The following EPB41L4B variants were observed in gnomAD, a reference collection of about 807,000 sequenced individuals.
The protein encoded by EPB41L4B is band 4.1-like protein 4B.
In EPB41L4B, 30 loss-of-function variants were observed where a neutral mutation model predicts 112.5. The observed-to-expected ratio is 0.27, with a 90% CI of 0.20 to 0.36. EPB41L4B has a LOEUF of 0.36. Ranked by LOEUF, EPB41L4B falls within the 10% of genes least tolerant of loss-of-function variation. The pLI is 1.00. For synonymous variants in EPB41L4B, 408 were observed against 439.7 expected (o/e 0.93, Z 0.90); for missense variants, 1,024 against 1,133.3 (o/e 0.90, Z 1.38).
chr9:109,316,042 C>A (rs922377863), intron 1 of EPB41L4B, among the ~76,000 whole-genome samples: 1 of 152,298 alleles, frequency 6.6e-6, no homozygotes. Flanking sequence ...TTTCAGCACT[C>A]TGTTGCACCA....
At chr9:109,226,258 G>A (rs936321878) in intron 15 of EPB41L4B, among the ~76,000 whole-genome samples, 1 of 152,146 alleles carries the variant, frequency 6.6e-6, no homozygotes. Flanking sequence ...CAGGAGACAA[G>A]TCAGGGTATT....
At chr9:109,216,852 T>C in intron 16 of EPB41L4B, 70 bp downstream of exon 16, 1 of 1,454,698 alleles carries the variant, frequency 6.9e-7, no homozygotes, top group Non-Finnish European at 9.6e-7. Context: ...GTCTTAAGAA[T>C]CTAGGGAACT....
intron 1 of EPB41L4B, among the ~76,000 whole-genome samples, chr9:109,280,786 T>A (rs996858788): frequency 6.6e-6 from 1 of 150,842 alleles, no homozygotes; most frequent in Non-Finnish European, 1.5e-5. Context: ...TGCTTAAATC[T>A]AAGTGCCATA....
At chr9:109,252,653 G>A (rs1299185231) in intron 12 of EPB41L4B, among the ~76,000 whole-genome samples, 2 of 152,196 alleles carry the variant, frequency 1.3e-5, no homozygotes, top group African/African-American at 2.4e-5. Flanking sequence ...AAAATGCATG[G>A]AGTGGCCACA....
chr9:109,279,241 G>A (rs1835946172), intron 2 of EPB41L4B, among the ~76,000 whole-genome samples: 1 of 151,342 alleles, frequency 6.6e-6, no homozygotes, highest in Admixed American at 6.6e-5. Context: ...TGTCACCCAG[G>A]CTGGAATACA....
intron 1 of EPB41L4B, among the ~76,000 whole-genome samples, chr9:109,305,199 C>T (rs934632870): frequency 4.9e-5 from 3 of 61,494 alleles, no homozygotes; most frequent in Admixed American, 2.3e-4. Context: ...GGAAGAAGCG[C>T]GGGAAGGTGG....
chr9:109,212,076 GCTCGATAACCCACAGGT>G (rs1833202036), intron 17 of EPB41L4B, among the ~76,000 whole-genome samples: 3 of 152,086 alleles, frequency 2.0e-5, no homozygotes, highest in Non-Finnish European at 4.4e-5. Context: ...CCAGGGAAAT[GCTCGATAACCCACAGGT>G]GTCTCAGGTA....
At chr9:109,208,190 C>T (rs758951130) in intron 17 of EPB41L4B, 141 bp from the exon 18 acceptor site, 2 of 996,476 alleles carry the variant, frequency 2.0e-6, no homozygotes, top group Admixed American at 2.6e-5. Context: ...ATATTTTTAT[C>T]TGTGCTTTAC....
chr9:109,308,548 A>T (rs532322509), intron 1 of EPB41L4B, among the ~76,000 whole-genome samples: 3 of 152,094 alleles, frequency 2.0e-5, no homozygotes, highest in Non-Finnish European at 4.4e-5. Flanking sequence ...CACAGAAGAA[A>T]ATTTGAACAT....
chr9:109,260,050 T>G (rs927693137), intron 6 of EPB41L4B, among the ~76,000 whole-genome samples: 2 of 152,078 alleles, frequency 1.3e-5, no homozygotes, highest in African/African-American at 4.8e-5. Flanking sequence ...AGCCTCGCCT[T>G]GTGTCTAAAT....
intron 1 of EPB41L4B, among the ~76,000 whole-genome samples, chr9:109,297,570 C>T (rs907943327): frequency 7.9e-5 from 12 of 152,216 alleles, no homozygotes; most frequent in African/African-American, 2.4e-4. Flanking sequence ...GGCACAGTCA[C>T]GGCTGTCCAC....
intron 16 of EPB41L4B, among the ~76,000 whole-genome samples, chr9:109,214,319 T>G (rs1833288318): frequency 6.6e-6 from 1 of 152,186 alleles, no homozygotes. Context: ...CAGCTTGAAT[T>G]TACTCATTAA....
In EPB41L4B at chr9:109,194,266, G is replaced by A. The variant is rs767903244; in HGVS notation, c.2177C>T (p.Ser726Leu). 21 of 1,614,196 alleles carry A rather than the reference G, an allele frequency of 1.3e-5. No homozygotes were observed. Among genetic ancestry groups the A allele is most frequent in the Middle Eastern group, 1.6e-4 (1 of 6,062 alleles). ...LPSPKVQNVS[S>L]PHKSEGKGLL... ...GCCTTTGCCTTCTGACTTGTGAGGCGAGCTGACATTCTGGACCTTGGGGGA... is the reference window on the plus strand; with the variant it reads ...GCCTTTGCCTTCTGACTTGTGAGGCAAGCTGACATTCTGGACCTTGGGGGA... The change falls in exon 21 of 26, where the codon TCG becomes TTG. Residue 726 changes from serine to leucine, a missense_variant. Ser to Leu is a moderately radical substitution (Grantham distance 145). Transcript: ENST00000374566.
intron 7 of EPB41L4B, among the ~76,000 whole-genome samples, chr9:109,257,064 T>C (rs547278128): frequency 7.2e-5 from 11 of 152,340 alleles, no homozygotes; most frequent in Admixed American, 5.2e-4. Flanking sequence ...CTGCCAATGA[T>C]GGCTTCCTGC....
intron 18 of EPB41L4B, among the ~76,000 whole-genome samples, chr9:109,204,415 G>C (rs995660967): frequency 6.6e-6 from 1 of 152,118 alleles, no homozygotes; most frequent in African/African-American, 2.4e-5. Context: ...TGGAGGACAT[G>C]GCATTATTAG....
chr9:109,259,342 G>GC (rs1835110863), intron 6 of EPB41L4B, among the ~76,000 whole-genome samples: 1 of 152,146 alleles, frequency 6.6e-6, no homozygotes, highest in Non-Finnish European at 1.5e-5. Context: ...ACTGGGCCCC[G>GC]CCCCCAGAGT....
chr9:109,253,445 G>A lies in EPB41L4B; in HGVS notation c.1275C>T (p.Phe425=), dbSNP rs1328894765. 6.2e-7 allele frequency: 1 copy of A among 1,606,372 alleles called. No individual in the cohort carries two copies. Among genetic ancestry groups the A allele is most frequent in the South Asian group, 1.1e-5 (1 of 90,526 alleles). Residue 425 remains phenylalanine (F), a synonymous_variant, in exon 12 of 26, where the codon TTC becomes TTT. Transcript: ENST00000374566. ...KRYPSRRHST[F]KASNPVIAAQ... ...AAAGAATGAAAAACACACAACCTTT[G>A]AACGTTGAATGTCTCCGGGATGGAT...
chr9:109,178,385 C>CT (rs201156641), intron 24 of EPB41L4B, among the ~76,000 whole-genome samples: 10,590 of 143,504 alleles, frequency 0.074, 477 homozygotes, highest in Admixed American at 0.14. Flanking sequence ...GCAGTATCTT[C>CT]TTTTTTTTTT....
At chr9:109,235,580 T>C (rs1834111548) in intron 15 of EPB41L4B, among the ~76,000 whole-genome samples, 1 of 151,858 alleles carries the variant, frequency 6.6e-6, no homozygotes, top group Non-Finnish European at 1.5e-5. Context: ...GCATTTTTAG[T>C]GGAGACAGGG....
Sources: gnomAD v4.1 joint callset for allele counts (sites outside exome capture counted in the v4.1 genomes callset) on GRCh38, gnomAD v4.1.1 for gene constraint, MANE v1.5 for transcripts, NCBI Gene and HGNC (gene_info 2026-07-23, HGNC 2026-07-21) for gene names.